The following SLC4A3 variants were observed in gnomAD, a reference collection of about 807,000 sequenced individuals.
SLC4A3 encodes the protein anion exchange protein 3.
A neutral mutation model predicts 114.2 loss-of-function variants in SLC4A3; 47 were observed. The ratio of observed to expected loss-of-function variants is 0.41; its 90% CI spans 0.33 to 0.52. SLC4A3 has a LOEUF of 0.52. Among genes scored for constraint, SLC4A3 ranks in the 20% least tolerant of loss-of-function variants. SLC4A3 has a pLI of 0.21. For synonymous variants in SLC4A3, 693 were observed against 710.3 expected (o/e 0.98, Z 0.39); for missense variants, 1,312 against 1,668.3 (o/e 0.79, Z 3.72).
intron 3 of SLC4A3, 107 bp from the exon 4 acceptor site, chr2:219,629,037 C>A: frequency 7.4e-7 from 1 of 1,345,756 alleles, no homozygotes; most frequent in Non-Finnish European, 9.9e-7. Context: ...GGAGGAAGGA[C>A]TAGGGTGCCC....
chr2:219,635,838 T>C lies in SLC4A3; in HGVS notation c.2138T>C (p.Leu713Pro). The C allele has an allele frequency of 1.3e-6, 2 of 1,582,548 alleles. No individual in the cohort carries two copies. The highest frequency in any genetic ancestry group is 1.7e-6 in the Non-Finnish European group (2 of 1,165,740). The change falls in exon 14 of 23, where the codon CTC (leucine) becomes CCC (proline). Residue 713 changes from leucine to proline, a missense_variant. Transcript: ENST00000358055. Reference protein sequence around the residue: ...ALHSQCVAAVLFIYFAALSPA... With the variant: ...ALHSQCVAAVPFIYFAALSPA... ...CACTCCCAGTGTGTGGCCGCTGTGCTCTTCATCTACTTCGCAGCCCTCAGC... is the reference window on the plus strand; with the variant it reads ...CACTCCCAGTGTGTGGCCGCTGTGCCCTTCATCTACTTCGCAGCCCTCAGC...
chr2:219,631,180 T>G lies in SLC4A3; in HGVS notation c.812-788T>G. 1 of 1,193,776 alleles carries G rather than the reference T, an allele frequency of 8.4e-7. No homozygotes were observed. The highest frequency in any genetic ancestry group is 1.1e-6 in the Non-Finnish European group (1 of 934,478). The allele number at this position is 1,193,776 out of a possible 1,614,324, so 73.9% of individuals were successfully genotyped here. ...AGCCACCCCGTCCAGGCTCCCACCT[T>G]GTAGGAGAGCCGAGGGGTCTGGTAG... On this transcript the variant is annotated intron_variant, in intron 6 of 22. Transcript: ENST00000358055. This position sits in a 1 kb window ranked among gnomAD's most constrained non-coding sequence, Gnocchi z 6.3.
At position 219,636,507 on chromosome 2, in the gene SLC4A3, C is replaced by T; in HGVS notation, c.2340+57C>T. On this transcript the variant is annotated intron_variant, in intron 15 of 22. Coordinates refer to ENST00000358055, the MANE Select transcript of SLC4A3 (RefSeq NM_005070.4). This position sits in a 1 kb window ranked among gnomAD's most constrained non-coding sequence, Gnocchi z 5.5. ...CCTGCCCCACACTCTTCCTTACCTA[C>T]ATCCTGCCCCACACTCTTCCTTACC... 2 of 1,533,998 alleles carry T rather than the reference C, an allele frequency of 1.3e-6. No homozygotes were observed. Among genetic ancestry groups the T allele is most frequent in the East Asian group, 2.3e-5 (1 of 43,870 alleles).
At position 219,636,641 on chromosome 2, in the gene SLC4A3, G is replaced by A; in HGVS notation, c.2341-39G>A. 1 of 1,575,526 alleles carries A rather than the reference G, an allele frequency of 6.3e-7. No homozygotes were observed. Among genetic ancestry groups the A allele is most frequent in the Non-Finnish European group, 8.7e-7 (1 of 1,155,030 alleles). On this transcript the variant is annotated intron_variant, in intron 15 of 22. Transcript: ENST00000358055. This position sits in a 1 kb window ranked among gnomAD's most constrained non-coding sequence, Gnocchi z 5.5. ...CCAGGGGGCATTGACACCCAGGGCAGTCCACCTGTGGGTAACGACCGCTCC... is the reference window on the plus strand; with the variant it reads ...CCAGGGGGCATTGACACCCAGGGCAATCCACCTGTGGGTAACGACCGCTCC...
Position 219,627,949 on chromosome 2 carries a change from G to C in SLC4A3, c.-44G>C, listed in dbSNP as rs560512582. 2.2e-5 allele frequency: 34 copies of C among 1,576,506 alleles called. 1 individual carries two copies. In the African/African-American group the frequency reaches 2.3e-4, roughly 11 times the overall value. ...GGCCCCTCCTTCTCACCTGGGTCTCGGGTCCCCTAGTGAGCGAGAGCGTCC... is the reference window on the plus strand; with the variant it reads ...GGCCCCTCCTTCTCACCTGGGTCTCCGGTCCCCTAGTGAGCGAGAGCGTCC... On this transcript the variant is annotated 5_prime_UTR_variant, in exon 2 of 23. Coordinates refer to ENST00000358055, the MANE Select transcript of SLC4A3 (RefSeq NM_005070.4).
Position 219,629,135 on chromosome 2 carries a change from C to A in SLC4A3, c.218-9C>A, listed in dbSNP as rs538106346. On this transcript the variant is annotated splice_polypyrimidine_tract_variant and intron_variant, in intron 3 of 22. Coordinates refer to ENST00000358055, the MANE Select transcript of SLC4A3 (RefSeq NM_005070.4). ...GTGGGGGCCTCAACCGGATCTCCTG[C>A]ACCCCCAGTTCACCGGCACACATCC... 1 of 1,568,088 alleles carries A rather than the reference C, an allele frequency of 6.4e-7. No individual in the cohort carries two copies. The highest frequency in any genetic ancestry group is 1.2e-5 in the South Asian group (1 of 84,754).
At chr2:219,632,142 G>A (rs1311703997) in intron 7 of SLC4A3, 26 bp downstream of exon 7, 2 of 1,610,280 alleles carry the variant, frequency 1.2e-6, no homozygotes. Flanking sequence ...GGGTGGGCCT[G>A]TGGCTTCCTC....
Position 219,628,544 on chromosome 2 carries a change from G to T in SLC4A3, c.191G>T (p.Arg64Leu). 6.2e-7 allele frequency: 1 copy of T among 1,613,300 alleles called. No homozygotes were observed. The highest frequency in any genetic ancestry group is 8.5e-7 in the Non-Finnish European group (1 of 1,179,830). Residue 64 changes from arginine (R) to leucine (L), a missense_variant, in exon 3 of 23, where the codon CGC becomes CTC. By Grantham distance (102) the Arg-to-Leu change is moderately radical. Transcript: ENST00000358055. This position sits in a 1 kb window ranked among gnomAD's most constrained non-coding sequence, Gnocchi z 4.8. ...GCCTGGGACCCCGAGAAGCCCAGCC[G>T]CAGCTACAGCGAGCGGGACTTTGAG... ...PPAWDPEKPS[R>L]SYSERDFEFH...
In SLC4A3 at chr2:219,628,684, T is replaced by C; in HGVS notation, c.217+114T>C. The C allele has an allele frequency of 9.4e-7, 1 of 1,062,648 alleles. No homozygotes were observed. Among genetic ancestry groups the C allele is most frequent in the Non-Finnish European group, 1.4e-6 (1 of 723,966 alleles). 65.8% of individuals were successfully genotyped at this position (1,062,648 alleles called of 1,614,324 possible). On this transcript the variant is annotated intron_variant, in intron 3 of 22. Coordinates refer to ENST00000358055, the MANE Select transcript of SLC4A3 (RefSeq NM_005070.4). The surrounding 1 kb of genome is among the most constrained non-coding windows in gnomAD (Gnocchi z 4.8). Reference sequence around the variant, plus strand: ...CCCAGTGCCATCCTGTGCCGGACACTGTGCTGGACTCTGTGCTGGGCCACA... The same window carrying C: ...CCCAGTGCCATCCTGTGCCGGACACCGTGCTGGACTCTGTGCTGGGCCACA...
Position 219,638,768 on chromosome 2 carries a change from C to T in SLC4A3, c.2922C>T (p.Pro974=), listed in dbSNP as rs763247775. The T allele has an allele frequency of 1.9e-6, 3 of 1,614,038 alleles. No homozygotes were observed. The highest frequency in any genetic ancestry group is 3.3e-5 in the Admixed American group (2 of 60,002). ...SPDKRSWFIP[P]LGSARPFPPW... is the part of the protein sequence containing the mutation. Reference sequence around the variant, plus strand: ...ATAAGCGCTCGTGGTTCATCCCACCCCTGGGCAGTGCCCGTCCTTTCCCGC... The same window carrying T: ...ATAAGCGCTCGTGGTTCATCCCACCTCTGGGCAGTGCCCGTCCTTTCCCGC... Residue 974 remains proline, a synonymous_variant, in exon 19 of 23, where the codon CCC becomes CCT. Transcript: ENST00000358055. This position sits in a 1 kb window ranked among gnomAD's most constrained non-coding sequence, Gnocchi z 7.5.
chr2:219,640,830 G>A lies in SLC4A3; in HGVS notation c.3489G>A (p.Leu1163=), dbSNP rs1244236073. The change falls in exon 22 of 23, where the codon CTG becomes CTA. Residue 1163 remains leucine (L), a synonymous_variant. Coordinates refer to ENST00000358055, the MANE Select transcript of SLC4A3 (RefSeq NM_005070.4). Reference sequence around the variant, plus strand: ...TGCATCTGTTCACCTGCATCCAGCTGGGCTGCATCGCACTGCTCTGGGTGG... The same window carrying A: ...TGCATCTGTTCACCTGCATCCAGCTAGGCTGCATCGCACTGCTCTGGGTGG... ...WRMHLFTCIQ[L]GCIALLWVVK... is the part of the protein sequence containing the mutation. 2.5e-6 allele frequency: 4 copies of A among 1,612,440 alleles called. No homozygotes were observed. The highest frequency in any genetic ancestry group is 3.4e-6 in the Non-Finnish European group (4 of 1,180,032).
rs748356003 is a variant in SLC4A3 at position 219,633,284 on chromosome 2, G to A, written c.1288G>A (p.Asp430Asn). Residue 430 changes from aspartate (D) to asparagine (N), a missense_variant, in exon 10 of 23, where the codon GAT becomes AAT. By Grantham distance (23) the Asp-to-Asn change is conservative. This residue lies in a region of SLC4A3 where 771 missense variants were observed against 977.7 expected (regional missense o/e 0.79). Coordinates refer to ENST00000358055, the MANE Select transcript of SLC4A3 (RefSeq NM_005070.4). Reference protein sequence around the residue: ...TLLLKHSHPNDDKDSGFFPRN... With the variant: ...TLLLKHSHPNNDKDSGFFPRN... ...CCCTGCCCCTTCCAGCCATCCCAAC[G>A]ATGACAAGGACAGTGGCTTCTTTCC... is the stretch of plus-strand genomic sequence containing the variant. 14 of 1,559,218 alleles carry A rather than the reference G, an allele frequency of 9.0e-6. No homozygotes were observed. The highest frequency in any genetic ancestry group is 3.7e-5 in the Admixed American group (2 of 53,828).
Position 219,639,806 on chromosome 2 carries a change from G to T in SLC4A3, c.3277+71G>T. The T allele has an allele frequency of 5.1e-6, 8 of 1,558,464 alleles. No individual in the cohort carries two copies. The highest frequency in any genetic ancestry group is 6.9e-6 in the Non-Finnish European group (8 of 1,155,032). On this transcript the variant is annotated intron_variant, in intron 20 of 22. Coordinates refer to ENST00000358055, the MANE Select transcript of SLC4A3 (RefSeq NM_005070.4). The surrounding 1 kb of genome is among the most constrained non-coding windows in gnomAD (Gnocchi z 5.9). ...CGGTCTTACATCTTCACTATCCCAG[G>T]CTTGACCCTGAATCTCCCAATGTGC...
In SLC4A3 at chr2:219,641,872, C is replaced by A. The variant is rs1189694531; in HGVS notation, c.*144C>A. The A allele has an allele frequency of 1.5e-6, 1 of 651,510 alleles. No individual in the cohort carries two copies. The highest frequency in any genetic ancestry group is 2.7e-6 in the Non-Finnish European group (1 of 370,448). 40.4% of individuals were successfully genotyped at this position (651,510 alleles called of 1,614,324 possible). ...ACTCCTGATGCCATGGCTAGAGTGG[C>A]CCCCCTGACTTCTGCCCGGGGTGTT... On this transcript the variant is annotated 3_prime_UTR_variant, in exon 23 of 23. Coordinates refer to ENST00000358055, the MANE Select transcript of SLC4A3 (RefSeq NM_005070.4). The surrounding 1 kb of genome is among the most constrained non-coding windows in gnomAD (Gnocchi z 4.0).
Position 219,637,451 on chromosome 2 carries a change from G to T in SLC4A3, c.2536-130G>T. The T allele has an allele frequency of 1.7e-6, 1 of 606,054 alleles. No homozygotes were observed. Among genetic ancestry groups the T allele is most frequent in the East Asian group, 2.8e-5 (1 of 35,774 alleles). 37.5% of individuals were successfully genotyped at this position (606,054 alleles called of 1,614,324 possible). On this transcript the variant is annotated intron_variant, in intron 16 of 22. Coordinates refer to ENST00000358055, the MANE Select transcript of SLC4A3 (RefSeq NM_005070.4). The surrounding 1 kb of genome is among the most constrained non-coding windows in gnomAD (Gnocchi z 4.6). ...GTGTGTTGTGTGTGTGGTGCAGCTG[G>T]ATGTCCGTGCATTACTGTTGTCTGA...
At position 219,635,686 on chromosome 2, in the gene SLC4A3, G is replaced by C; in HGVS notation, c.1986G>C (p.Glu662Asp). Residue 662 changes from glutamate (E) to aspartate (D), a missense_variant, in exon 14 of 23, where the codon GAG becomes GAC. By Grantham distance (45) the Glu-to-Asp change is conservative (BLOSUM62 2). Coordinates refer to ENST00000358055, the MANE Select transcript of SLC4A3 (RefSeq NM_005070.4). ...TTGTTCCCCCAGAACTGTCTTTGGA[G>C]TTGGGGGGCTCTGAGGCAACCCCTG... Reference protein sequence around the residue: ...YTAPGKELSLELGGSEATPED... With the variant: ...YTAPGKELSLDLGGSEATPED... 6.3e-7 allele frequency: 1 copy of C among 1,587,778 alleles called. No homozygotes were observed. The highest frequency in any genetic ancestry group is 8.5e-7 in the Non-Finnish European group (1 of 1,169,816).
Position 219,636,379 on chromosome 2 carries a change from C to G in SLC4A3, c.2269C>G (p.Leu757Val). Residue 757 changes from leucine (L) to valine (V), a missense_variant, in exon 15 of 23, where the codon CTG becomes GTG. By Grantham distance (32) the Leu-to-Val change is conservative. Coordinates refer to ENST00000358055, the MANE Select transcript of SLC4A3 (RefSeq NM_005070.4). This position sits in a 1 kb window ranked among gnomAD's most constrained non-coding sequence, Gnocchi z 5.5. The part of the protein sequence containing the change: ...TAVLGVLFSL[L>V]GAQPLLVVGF... ...TGTGCTCGGCGTCCTCTTCTCTCTG[C>G]TGGGAGCTCAGCCGCTGCTTGTGGT... 2 of 1,613,704 alleles carry G rather than the reference C, an allele frequency of 1.2e-6. No individual in the cohort carries two copies. The highest frequency in any genetic ancestry group is 1.7e-6 in the Non-Finnish European group (2 of 1,179,870).
At position 219,635,772 on chromosome 2, in the gene SLC4A3, G is replaced by A. The variant is rs146711440; in HGVS notation, c.2072G>A (p.Arg691His). The change falls in exon 14 of 23, where the codon CGC becomes CAC. Residue 691 changes from arginine (R) to histidine (H), a missense_variant. Around this residue, in one of 4 missense-constraint regions of SLC4A3, gnomAD observed 771 missense variants for 977.7 expected, o/e 0.79. Coordinates refer to ENST00000358055, the MANE Select transcript of SLC4A3 (RefSeq NM_005070.4). ...VFGGLVRDVRRRYPHYPSDLR... is the reference protein window; with the variant it reads ...VFGGLVRDVRHRYPHYPSDLR... ...GGGGGGCTTGTGCGGGATGTGAGGC[G>A]CCGGTACCCGCACTACCCCAGTGAC... 93 of 1,593,046 alleles carry A rather than the reference G, an allele frequency of 5.8e-5. No individual in the cohort carries two copies. Among genetic ancestry groups the A allele is most frequent in the Non-Finnish European group, 7.3e-5 (86 of 1,172,416 alleles).
rs1381397376 is a variant in SLC4A3 at position 219,635,337 on chromosome 2, C to T, written c.1813C>T (p.Leu605=). ...QDLLSAISEF[L]DGSIVIPPSE... is the part of the protein sequence containing the mutation. Reference sequence around the variant, plus strand: ...CCTCCTAAGTGCCATCAGCGAGTTCCTGGATGGCAGCATTGTGATCCCCCC... The same window carrying T: ...CCTCCTAAGTGCCATCAGCGAGTTCTTGGATGGCAGCATTGTGATCCCCCC... Residue 605 remains leucine (L), a synonymous_variant, in exon 13 of 23, where the codon CTG becomes TTG. Coordinates refer to ENST00000358055, the MANE Select transcript of SLC4A3 (RefSeq NM_005070.4). 6.2e-7 allele frequency: 1 copy of T among 1,614,180 alleles called. No homozygotes were observed. The highest frequency in any genetic ancestry group is 1.1e-5 in the South Asian group (1 of 91,084).
Sources: allele counts gnomAD v4.1 joint callset, GRCh38; gene constraint gnomAD v4.1.1; regional missense constraint gnomAD v4.1.1; non-coding constraint Gnocchi (gnomAD v3.1); transcripts MANE v1.5; gene names NCBI Gene and HGNC (gene_info 2026-07-23, HGNC 2026-07-21).